BACE1: variants seen among roughly 807,000 people sequenced by gnomAD.
BACE1 encodes APP beta-secretase.
A neutral mutation model predicts 54.0 loss-of-function variants in BACE1; 21 were observed. That is an observed-to-expected ratio of 0.39 (90% confidence interval 0.28 to 0.56). The LOEUF (loss-of-function observed/expected upper bound fraction) is 0.56, where lower values mean the gene tolerates loss of function less well. Ranked by LOEUF, BACE1 falls within the 20% of genes least tolerant of loss-of-function variation. The pLI is 0.63. For missense variants in BACE1, 511 were observed against 661.2 expected (o/e 0.77, Z 2.49); for synonymous variants, 232 against 260.9 (o/e 0.89, Z 1.07).
At chr11:117,306,650 T>A (rs899851965) in intron 1 of BACE1, among the ~76,000 whole-genome samples, 16 of 151,846 alleles carry the variant, frequency 1.1e-4, no homozygotes, top group Admixed American at 2.6e-4. Flanking sequence ...TCTACCAAAA[T>A]ATATATATAA....
chr11:117,312,075 T>C (rs1176206859), intron 1 of BACE1, among the ~76,000 whole-genome samples: 1 of 152,264 alleles, frequency 6.6e-6, no homozygotes, highest in Non-Finnish European at 1.5e-5. Context: ...ATTTAAGCTT[T>C]ATGGCTATTT....
intron 3 of BACE1, among the ~76,000 whole-genome samples, chr11:117,294,647 G>C (rs1198793429): frequency 6.6e-6 from 1 of 151,800 alleles, no homozygotes; most frequent in Non-Finnish European, 1.5e-5. Context: ...ACTTAGGAAG[G>C]CCGAGGTGAG....
At chr11:117,313,909 A>G (rs752097845) in intron 1 of BACE1, among the ~76,000 whole-genome samples, 7 of 152,176 alleles carry the variant, frequency 4.6e-5, no homozygotes, top group Non-Finnish European at 1.0e-4. Context: ...TCACAACTTA[A>G]TCCTCACAAT....
intron 1 of BACE1, among the ~76,000 whole-genome samples, chr11:117,301,415 A>AC (rs750357872): frequency 1.3e-4 from 19 of 151,854 alleles, no homozygotes; most frequent in East Asian, 3.9e-4. Flanking sequence ...ACATAGTGAG[A>AC]CCCCCTCCCA....
At chr11:117,295,641 G>C in intron 2 of BACE1, 1 of 1,411,918 alleles carries the variant, frequency 7.1e-7, no homozygotes, top group South Asian at 1.4e-5. Flanking sequence ...CATTGTGCCT[G>C]CTGCTGCTGC....
chr11:117,294,383 A>G, intron 3 of BACE1: 1 of 157,814 alleles, frequency 6.3e-6, no homozygotes, highest in Non-Finnish European at 1.4e-5. Context: ...TGCCCGGCTA[A>G]TTTCTGTGTT....
chr11:117,289,908 A>C, intron 8 of BACE1, 101 bp from the exon 9 acceptor site: 1 of 1,044,370 alleles, frequency 9.6e-7, no homozygotes, highest in East Asian at 2.6e-5. Flanking sequence ...CCCATGCAGA[A>C]GTTATCTAAT....
chr11:117,308,690 C>T (rs1015211520), intron 1 of BACE1, among the ~76,000 whole-genome samples: 4 of 152,086 alleles, frequency 2.6e-5, no homozygotes, highest in Non-Finnish European at 5.9e-5. Context: ...TGGCTCATAC[C>T]TGTAATCCTA....
At chr11:117,295,462 C>T in intron 2 of BACE1, 115 bp from the exon 3 acceptor site, 1 of 1,539,066 alleles carries the variant, frequency 6.5e-7, no homozygotes, top group Non-Finnish European at 8.7e-7. Context: ...CTAGAGTCTG[C>T]TTTCAGGCTG....
intron 1 of BACE1, among the ~76,000 whole-genome samples, chr11:117,309,224 T>C (rs1006348413): frequency 1.3e-5 from 2 of 152,180 alleles, no homozygotes; most frequent in African/African-American, 4.8e-5. Flanking sequence ...TGCTAGACTC[T>C]CCAAGTTATT....
Position 117,289,821 on chromosome 11 carries a change from A to G in BACE1, c.1265-14T>C, listed in dbSNP as rs1443529716. 1.2e-6 allele frequency: 2 copies of G among 1,608,136 alleles called. No individual in the cohort carries two copies. Among genetic ancestry groups the G allele is most frequent in the Admixed American group, 1.7e-5 (1 of 59,952 alleles). On this transcript the variant is annotated splice_polypyrimidine_tract_variant and intron_variant, in intron 8 of 8. Transcript: ENST00000313005. ...ACTCATCGTGCACTGGGGAGAGGGC[A>G]AATGTGAATGGACAGCTCTCATTGT...
At position 117,313,643 on chromosome 11, in the gene BACE1, A is replaced by G. The variant is rs28917243; in HGVS notation, c.261+1892T>C. Among the ~76,000 whole-genome samples the G allele has an allele frequency of 9.5e-3, 1,449 of 152,214 alleles. 24 individuals are homozygous for G. Among genetic ancestry groups the G allele is most frequent in the African/African-American group, 0.033 (1,388 of 41,504 alleles). ...AGTAGAAACAGGGTTTTGCTATGTT[A>G]GCCAAGCTGGTCTCGAACTCCTGAC... On this transcript the variant is annotated intron_variant, in intron 1 of 8. Transcript: ENST00000313005.
chr11:117,302,446 C>T (rs995011640), intron 1 of BACE1, among the ~76,000 whole-genome samples: 5 of 152,230 alleles, frequency 3.3e-5, no homozygotes, highest in African/African-American at 9.6e-5. Context: ...TGGTCCCTCT[C>T]GCAAAGGCTG....
At chr11:117,297,655 A>G (rs1170726110) in intron 1 of BACE1, among the ~76,000 whole-genome samples, 2 of 152,102 alleles carry the variant, frequency 1.3e-5, no homozygotes, top group African/African-American at 4.8e-5. Context: ...TGGCAAAAAT[A>G]GTTATGGGAG....
intron 1 of BACE1, among the ~76,000 whole-genome samples, chr11:117,311,805 T>G (rs2034948631): frequency 6.6e-6 from 1 of 152,066 alleles, no homozygotes; most frequent in African/African-American, 2.4e-5. Context: ...CACACCCAGC[T>G]AATTTTTGTA....
At chr11:117,311,194 T>C (rs139997568) in intron 1 of BACE1, among the ~76,000 whole-genome samples, 1 of 151,772 alleles carries the variant, frequency 6.6e-6, no homozygotes, top group South Asian at 2.1e-4. Flanking sequence ...TTTGAAAAAA[T>C]CAGCTGGGGC....
rs1365750247 is a variant in BACE1, at chr11:117,287,512, C to T, written c.*2054G>A. 1 of 152,504 alleles carries T rather than the reference C, an allele frequency of 6.6e-6. No homozygotes were observed. The highest frequency in any genetic ancestry group is 2.4e-5 in the African/African-American group (1 of 41,408). 9.4% of individuals were successfully genotyped at this position (152,504 alleles called of 1,614,324 possible). On this transcript the variant is annotated 3_prime_UTR_variant, in exon 9 of 9. Coordinates refer to ENST00000313005, the MANE Select transcript of BACE1 (RefSeq NM_012104.6). ...GTAACTGTAAAAAGAAAAACAAGTGCAAGTTTTCTTTAAAAAAATAATAGG... is the reference window on the plus strand; with the variant it reads ...GTAACTGTAAAAAGAAAAACAAGTGTAAGTTTTCTTTAAAAAAATAATAGG...
At chr11:117,312,464 C>CT (rs2034967425) in intron 1 of BACE1, among the ~76,000 whole-genome samples, 1 of 151,888 alleles carries the variant, frequency 6.6e-6, no homozygotes, top group African/African-American at 2.4e-5. Flanking sequence ...ACATTATTCT[C>CT]TTTTCTTTTT....
intron 1 of BACE1, among the ~76,000 whole-genome samples, chr11:117,310,398 ATAAAT>A (rs2034919946): frequency 6.6e-6 from 1 of 152,204 alleles, no homozygotes; most frequent in African/African-American, 2.4e-5. Flanking sequence ...TGCAAAATAA[ATAAAT>A]AAAATTAAAA....
Sources: allele counts gnomAD v4.1 joint callset (sites outside exome capture counted in the v4.1 genomes callset), GRCh38; gene constraint gnomAD v4.1.1; transcripts MANE v1.5; gene names NCBI Gene and HGNC (gene_info 2026-07-23, HGNC 2026-07-21).